Variants in ESF1 observed in about 807,000 individuals in gnomAD.
ESF1 encodes the protein ESF1 homolog.
In ESF1, 58 loss-of-function variants were observed where a neutral mutation model predicts 92.0. That is an observed-to-expected ratio of 0.63 (90% confidence interval 0.51 to 0.78). The LOEUF (loss-of-function observed/expected upper bound fraction) is 0.78. ESF1 is among the 30% of genes least tolerant of loss of function. The pLI is 0.00. For missense variants in ESF1, 922 were observed against 989.1 expected (o/e 0.93, Z 0.91); for synonymous variants, 321 against 313.7 (o/e 1.02, Z -0.24).
At chr20:13,727,926 TAC>T (rs558960526) in intron 11 of ESF1, among the ~76,000 whole-genome samples, 1 of 152,238 alleles carries the variant, frequency 6.6e-6, no homozygotes, top group African/African-American at 2.4e-5. Flanking sequence ...AAAAAAATTA[TAC>T]ACATATCAAC....
At chr20:13,746,574 G>T (rs1342976442) in intron 9 of ESF1, among the ~76,000 whole-genome samples, 1 of 152,082 alleles carries the variant, frequency 6.6e-6, no homozygotes, top group Admixed American at 6.6e-5. Flanking sequence ...CCTACAGACT[G>T]CATTTGAAAA....
chr20:13,725,056 A>G (rs1349352279), intron 11 of ESF1, among the ~76,000 whole-genome samples: 2 of 151,890 alleles, frequency 1.3e-5, no homozygotes, highest in African/African-American at 2.4e-5. Flanking sequence ...AGACCTGAAC[A>G]CTCTCCTTAA....
In ESF1 at chr20:13,718,970, A is replaced by T. The variant is rs766468724; in HGVS notation, c.2053T>A (p.Ser685Thr). The change falls in exon 12 of 14, where the codon TCG becomes ACG. Residue 685 changes from serine (S) to threonine (T), a missense_variant. Coordinates refer to ENST00000617257, the MANE Select transcript of ESF1 (RefSeq NM_001276380.2). ...EVKQIGINKK[S>T]VKSAKDGTSP... ...GTGCCATCTTTTGCAGATTTTACCG[A>T]TTTTTTATTTATACCTGGCACAACA... 15 of 1,603,294 alleles carry T rather than the reference A, an allele frequency of 9.4e-6. No homozygotes were observed. Among genetic ancestry groups the T allele is most frequent in the Non-Finnish European group, 1.3e-5 (15 of 1,176,860 alleles).
intron 9 of ESF1, among the ~76,000 whole-genome samples, chr20:13,748,403 T>TATATACACATATATATAC (rs60297504): frequency 0.77 from 90,045 of 117,180 alleles, 37,259 homozygotes; most frequent in Middle Eastern, 0.9. Flanking sequence ...TCAAAGGATA[T>TATATACACATATATATAC]ATATACACAT....
rs1980248969 is a variant in ESF1 at position 13,782,624 on chromosome 20, C to T, written c.517G>A (p.Val173Ile). 6.2e-7 allele frequency: 1 copy of T among 1,607,728 alleles called. No homozygotes were observed. Among genetic ancestry groups the T allele is most frequent in the African/African-American group, 1.3e-5 (1 of 74,514 alleles). ...QKNKKEKKNI[V>I]QHTTDSSLEE... ...AGAGAAGAGTCTGTAGTATGTTGAACAATGTTTTTTTTCTCTTTCTTATTT... is the reference window on the plus strand; with the variant it reads ...AGAGAAGAGTCTGTAGTATGTTGAATAATGTTTTTTTTCTCTTTCTTATTT... Residue 173 changes from valine (V) to isoleucine (I), a missense_variant, in exon 2 of 14, where the codon GTT becomes ATT. By Grantham distance (29) the Val-to-Ile change is conservative. Coordinates refer to ENST00000617257, the MANE Select transcript of ESF1 (RefSeq NM_001276380.2).
At chr20:13,726,510 C>T (rs1434783570) in intron 11 of ESF1, among the ~76,000 whole-genome samples, 1 of 152,230 alleles carries the variant, frequency 6.6e-6, no homozygotes, top group African/African-American at 2.4e-5. Context: ...GCCATCATCT[C>T]AGAGAAGCCT....
At chr20:13,758,545 C>T (rs537517401) in intron 9 of ESF1, among the ~76,000 whole-genome samples, 25 of 152,058 alleles carry the variant, frequency 1.6e-4, no homozygotes, top group African/African-American at 4.6e-4. Context: ...CTATTTTTTT[C>T]CCAAATAAAA....
At chr20:13,778,066 C>G (rs1350272942) in intron 2 of ESF1, among the ~76,000 whole-genome samples, 1 of 152,108 alleles carries the variant, frequency 6.6e-6, no homozygotes, top group African/African-American at 2.4e-5. Flanking sequence ...AATCTATGTT[C>G]TCAATCACCA....
chr20:13,774,531 C>T (rs1979836253), intron 4 of ESF1, among the ~76,000 whole-genome samples: 1 of 152,170 alleles, frequency 6.6e-6, no homozygotes, highest in South Asian at 2.1e-4. Context: ...TATACTTAAT[C>T]CTTACAATCA....
At chr20:13,757,644 T>A (rs776220247) in intron 9 of ESF1, among the ~76,000 whole-genome samples, 19 of 152,132 alleles carry the variant, frequency 1.2e-4, no homozygotes, top group Non-Finnish European at 2.2e-4. Context: ...GCTCAAGTAA[T>A]CCACCCACCT....
intron 13 of ESF1, among the ~76,000 whole-genome samples, chr20:13,716,739 C>G (rs556386709): frequency 6.8e-6 from 1 of 146,990 alleles, no homozygotes; most frequent in South Asian, 2.2e-4. Flanking sequence ...CTCCTGGACT[C>G]AAGCGATCCT....
chr20:13,774,826 G>T (rs529572436), intron 4 of ESF1, among the ~76,000 whole-genome samples: 1 of 152,216 alleles, frequency 6.6e-6, no homozygotes, highest in East Asian at 1.9e-4. Context: ...TTTGTTTCTA[G>T]TATAATTAGA....
chr20:13,734,800 A>G (rs1488468360), intron 9 of ESF1, among the ~76,000 whole-genome samples: 1 of 152,162 alleles, frequency 6.6e-6, no homozygotes, highest in Non-Finnish European at 1.5e-5. Context: ...AAACCAGATC[A>G]TCTTCTCAGA....
intron 12 of ESF1, 55 bp from the exon 13 acceptor site, chr20:13,717,569 C>T (rs1426240429): frequency 6.3e-7 from 1 of 1,594,304 alleles, no homozygotes; most frequent in Non-Finnish European, 8.5e-7. Context: ...TTTCCACCCC[C>T]AAAAAGGAGT....
chr20:13,739,371 C>G (rs2049996760), intron 9 of ESF1, among the ~76,000 whole-genome samples: 1 of 152,182 alleles, frequency 6.6e-6, no homozygotes, highest in African/African-American at 2.4e-5. Flanking sequence ...TTCTTAGAAT[C>G]AAATATTCTT....
intron 9 of ESF1, among the ~76,000 whole-genome samples, chr20:13,747,480 G>A (rs1421133274): frequency 6.6e-6 from 1 of 151,900 alleles, no homozygotes; most frequent in Non-Finnish European, 1.5e-5. Flanking sequence ...CAGGAGAACT[G>A]CTTGAACCCG....
At chr20:13,764,013 G>A (rs746847516) in intron 8 of ESF1, among the ~76,000 whole-genome samples, 3 of 152,048 alleles carry the variant, frequency 2.0e-5, no homozygotes, top group Non-Finnish European at 4.4e-5. Context: ...ATGGGATCTC[G>A]AAAACTCAAA....
At chr20:13,768,778 T>C (rs370730693) in intron 7 of ESF1, among the ~76,000 whole-genome samples, 1 of 149,780 alleles carries the variant, frequency 6.7e-6, no homozygotes, top group Non-Finnish European at 1.5e-5. Flanking sequence ...ACACCTGTAA[T>C]CCCAGCTACC....
At chr20:13,740,761 A>G (rs1419215936) in intron 9 of ESF1, among the ~76,000 whole-genome samples, 1 of 152,186 alleles carries the variant, frequency 6.6e-6, no homozygotes, top group African/African-American at 2.4e-5. Flanking sequence ...GGTACCCAAG[A>G]CAACACTGTA....
Sources: gnomAD v4.1 joint callset for allele counts (sites outside exome capture counted in the v4.1 genomes callset) on GRCh38, gnomAD v4.1.1 for gene constraint, MANE v1.5 for transcripts, NCBI Gene and HGNC (gene_info 2026-07-23, HGNC 2026-07-21) for gene names.